Variants in KIF13B observed in about 807,000 individuals in gnomAD.
KIF13B encodes kinesin-like protein KIF13B.
In KIF13B, 127 loss-of-function variants were observed where a neutral mutation model predicts 222.0. The ratio of observed to expected loss-of-function variants is 0.57; its 90% CI spans 0.50 to 0.66. The LOEUF (loss-of-function observed/expected upper bound fraction) is 0.66, where lower values mean the gene tolerates loss of function less well. Ranked by LOEUF, KIF13B falls within the 30% of genes least tolerant of loss-of-function variation. The pLI is 0.00. For synonymous variants in KIF13B, 976 were observed against 919.0 expected, an observed-to-expected ratio of 1.06 and a Z score of -1.12; for missense variants, 2,173 against 2,379.0, an observed-to-expected ratio of 0.91 and a Z score of 1.80.
chr8:29,134,672 T>A (rs1810481765), intron 21 of KIF13B, among the ~76,000 whole-genome samples: 1 of 152,062 alleles, frequency 6.6e-6, no homozygotes. Flanking sequence ...GAGCAAAACA[T>A]GGATTTGATA....
Position 29,170,546 on chromosome 8 carries a change from A to G in KIF13B, c.946-2961T>C, listed in dbSNP as rs181437731. Among the ~76,000 whole-genome samples the G allele has an allele frequency of 1.3e-4, 20 of 152,268 alleles. No individual in the cohort carries two copies. In the East Asian group the frequency reaches 3.7e-3, roughly 28 times the overall value. ...AGACTCTCACAGAAAGTGACACTTGAGACCCAAAGATAGAGAAGCATCACC... is the reference window on the plus strand; with the variant it reads ...AGACTCTCACAGAAAGTGACACTTGGGACCCAAAGATAGAGAAGCATCACC... On this transcript the variant is annotated intron_variant, in intron 10 of 39. Transcript: ENST00000524189.
rs1361723150 is a variant in KIF13B at position 29,068,821 on chromosome 8, A to C, written c.*1683T>G. 1 of 152,382 alleles carries C rather than the reference A, an allele frequency of 6.6e-6. No homozygotes were observed. The highest frequency in any genetic ancestry group is 1.5e-5 in the Non-Finnish European group (1 of 68,166). 9.4% of individuals were successfully genotyped at this position (152,382 alleles called of 1,614,324 possible). A position where few individuals can be genotyped will look rare whatever the true frequency, so the allele number is the denominator to read the frequency against. ...GGGAAGCGGGTTGAGTTAAAGGGCAAGGCAGAGGTGACAGCTCTTCATCCA... is the reference window on the plus strand; with the variant it reads ...GGGAAGCGGGTTGAGTTAAAGGGCACGGCAGAGGTGACAGCTCTTCATCCA... On this transcript the variant is annotated 3_prime_UTR_variant, in exon 40 of 40. Coordinates refer to ENST00000524189, the MANE Select transcript of KIF13B (RefSeq NM_015254.4). The surrounding 1 kb of genome is among the most constrained non-coding windows in gnomAD (Gnocchi z 4.4).
At chr8:29,230,429 T>C (rs1426925682) in intron 2 of KIF13B, among the ~76,000 whole-genome samples, 1 of 152,168 alleles carries the variant, frequency 6.6e-6, no homozygotes, top group Non-Finnish European at 1.5e-5. Context: ...TTACTATCCA[T>C]ACCAAGTTCT....
intron 1 of KIF13B, among the ~76,000 whole-genome samples, chr8:29,256,091 T>C (rs1472339869): frequency 6.6e-6 from 1 of 152,228 alleles, no homozygotes; most frequent in Non-Finnish European, 1.5e-5. Flanking sequence ...TAAAACTCAA[T>C]TGTGCTGAGT....
At chr8:29,252,040 G>A (rs1816305568) in intron 1 of KIF13B, among the ~76,000 whole-genome samples, 1 of 151,818 alleles carries the variant, frequency 6.6e-6, no homozygotes. Context: ...AAAAAGGGAA[G>A]GGGGATGGGA....
chr8:29,194,291 T>G (rs773202399), intron 3 of KIF13B, among the ~76,000 whole-genome samples: 790 of 18,470 alleles, frequency 0.043, 2 homozygotes, highest in Non-Finnish European at 0.083. Flanking sequence ...TATTATTGGG[T>G]TTTTTTTTTT....
intron 2 of KIF13B, among the ~76,000 whole-genome samples, chr8:29,197,049 T>A (rs1488631009): frequency 6.6e-6 from 1 of 151,882 alleles, no homozygotes; most frequent in Non-Finnish European, 1.5e-5. Flanking sequence ...AGAAAATAAC[T>A]CAATATGGCC....
chr8:29,243,280 G>A (rs536885534), intron 2 of KIF13B, among the ~76,000 whole-genome samples: 193 of 151,700 alleles, frequency 1.3e-3, no homozygotes, highest in African/African-American at 4.2e-3. Context: ...CTGGTGGGGC[G>A]GAGGTTGCAG....
At chr8:29,145,229 C>G (rs890294503) in intron 18 of KIF13B, among the ~76,000 whole-genome samples, 5 of 152,160 alleles carry the variant, frequency 3.3e-5, no homozygotes, top group African/African-American at 1.2e-4. Context: ...AAGTAACGAT[C>G]ATATCATATT....
chr8:29,148,191 C>T (rs931037524), intron 16 of KIF13B, among the ~76,000 whole-genome samples: 6 of 152,100 alleles, frequency 3.9e-5, no homozygotes, highest in African/African-American at 7.2e-5. Flanking sequence ...GGCGACAGAG[C>T]GAGACTCTCT....
chr8:29,117,186 C>A (rs1809643998), intron 30 of KIF13B, among the ~76,000 whole-genome samples, 179 bp from the exon 31 acceptor site: 1 of 152,130 alleles, frequency 6.6e-6, no homozygotes, highest in Non-Finnish European at 1.5e-5. Context: ...ATCACCTTAG[C>A]CTGAAAAGTA....
At chr8:29,135,162 G>C (rs1810501598) in intron 21 of KIF13B, among the ~76,000 whole-genome samples, 1 of 152,106 alleles carries the variant, frequency 6.6e-6, no homozygotes, top group Admixed American at 6.5e-5. Context: ...TCCAGCCTCA[G>C]CCTCCCAAGG....
chr8:29,229,366 T>A (rs549214812), intron 2 of KIF13B, among the ~76,000 whole-genome samples: 1 of 152,216 alleles, frequency 6.6e-6, no homozygotes, highest in African/African-American at 2.4e-5. Context: ...TTTCTGATCA[T>A]GTGACCCTGG....
At chr8:29,138,214 T>C (rs1586829053) in intron 21 of KIF13B, among the ~76,000 whole-genome samples, 1 of 152,004 alleles carries the variant, frequency 6.6e-6, no homozygotes, top group Non-Finnish European at 1.5e-5. Flanking sequence ...CTGGGCATGG[T>C]GGCACAGCTA....
At chr8:29,193,630 G>GGACTGCTTCCAGGACCTC (rs1813287095) in intron 3 of KIF13B, among the ~76,000 whole-genome samples, 1 of 152,080 alleles carries the variant, frequency 6.6e-6, no homozygotes, top group South Asian at 2.1e-4. Flanking sequence ...ATCCTGAGTG[G>GGACTGCTTCCAGGACCTC]GACTGCTTCC....
Position 29,108,129 on chromosome 8 carries a change from A to G in KIF13B, c.4215+10T>C. The stretch of plus-strand genomic sequence containing the variant: ...CTTAAAACACTGATAGAAATAGTTA[A>G]AACACCTACCTTGTTGCTGCCTAGA... On this transcript the variant is annotated intron_variant, in intron 35 of 39. Transcript: ENST00000524189. The G allele has an allele frequency of 6.2e-7, 1 of 1,606,038 alleles. No homozygotes were observed. The highest frequency in any genetic ancestry group is 8.5e-7 in the Non-Finnish European group (1 of 1,175,172).
intron 35 of KIF13B, among the ~76,000 whole-genome samples, chr8:29,105,703 GGCTGGAGT>G (rs1809034244): frequency 8.8e-6 from 1 of 113,782 alleles, no homozygotes; most frequent in African/African-American, 3.4e-5. Context: ...CTGTCGCCCA[GGCTGGAGT>G]GCAGTGGCAC....
chr8:29,221,487 A>T (rs1437190285), intron 2 of KIF13B, among the ~76,000 whole-genome samples: 3 of 151,954 alleles, frequency 2.0e-5, no homozygotes, highest in Non-Finnish European at 2.9e-5. Flanking sequence ...AAAAGGAAAG[A>T]AAAAGCAGCA....
intron 19 of KIF13B, among the ~76,000 whole-genome samples, chr8:29,141,940 A>G (rs1185088704): frequency 6.6e-6 from 1 of 152,232 alleles, no homozygotes; most frequent in East Asian, 1.9e-4. Context: ...CTAGAAATCT[A>G]AAAGACAGAA....
Sources: allele counts gnomAD v4.1 joint callset (sites outside exome capture counted in the v4.1 genomes callset), GRCh38; gene constraint gnomAD v4.1.1; non-coding constraint Gnocchi (gnomAD v3.1); transcripts MANE v1.5; gene names NCBI Gene and HGNC (gene_info 2026-07-23, HGNC 2026-07-21).